Variants in HBG1 observed in about 807,000 individuals in gnomAD.
HBG1 encodes the protein hemoglobin subunit gamma 1.
HBG1 carries 1 observed loss-of-function variant against 5.9 expected under a neutral mutation model. That is an observed-to-expected ratio of 0.17 (90% CI 0.06 to 0.81). The LOEUF (loss-of-function observed/expected upper bound fraction) is 0.81, where lower values mean the gene tolerates loss of function less well. HBG1 is among the 30% of genes least tolerant of loss of function. The probability of loss-of-function intolerance (pLI) is 0.73; values close to 1 mark genes in which losing one functional copy is unlikely to be tolerated. For missense variants in HBG1, 57 were observed against 122.0 expected (o/e 0.47, Z 2.51); for synonymous variants, 19 against 50.5 (o/e 0.38, Z 2.64).
At position 5,248,360 on chromosome 11, in the gene HBG1, C is replaced by T; in HGVS notation, c.443G>A (p.Ter148=). 6.2e-7 allele frequency: 1 copy of T among 1,614,030 alleles called. No individual in the cohort carries two copies. Among genetic ancestry groups the T allele is most frequent in the Non-Finnish European group, 8.5e-7 (1 of 1,179,910 alleles). Residue 148 remains the stop codon, a stop_retained_variant, in exon 3 of 3, where the codon TGA becomes TAA. Coordinates refer to ENST00000330597, the MANE Select transcript of HBG1 (RefSeq NM_000559.3). The part of the protein sequence containing the change: ...VASALSSRYH[*] ...AGCTCTGAATCATGGGCAGTGAGCT[C>T]AGTGGTATCTGGAGGACAGGGCACT... is the stretch of plus-strand genomic sequence containing the variant.
intron 2 of HBG1, 43 bp from the exon 3 acceptor site, chr11:5,248,530 G>C (rs1847906794): frequency 6.4e-7 from 1 of 1,571,570 alleles, no homozygotes; most frequent in East Asian, 2.2e-5. Flanking sequence ...CCCATAGTGA[G>C]CTGAGAGCTC....
rs281864567 is a variant in HBG1 at position 5,248,445 on chromosome 11, C to T, written c.358G>A (p.Gly120Ser). 1.3e-5 allele frequency: 21 copies of T among 1,613,720 alleles called. No homozygotes were observed. The highest frequency in any genetic ancestry group is 3.3e-5 in the South Asian group (3 of 91,062). ...VLVTVLAIHF[G>S]KEFTPEVQAS... ...TGCACCTCAGGGGTGAATTCTTTGC[C>T]GAAATGGATTGCCAAAACGGTCACC... The change falls in exon 3 of 3, where the codon GGC (glycine) becomes AGC (serine). Residue 120 changes from glycine to serine, a missense_variant. This residue lies in a region of HBG1 where 43 missense variants were observed against 44.9 expected (regional missense o/e 0.96). Coordinates refer to ENST00000330597, the MANE Select transcript of HBG1 (RefSeq NM_000559.3).
rs1564884358 is a variant in HBG1 at position 5,248,457 on chromosome 11, C to A, written c.346G>T (p.Ala116Ser). 1 of 1,613,348 alleles carries A rather than the reference C, an allele frequency of 6.2e-7. No individual in the cohort carries two copies. The highest frequency in any genetic ancestry group is 8.5e-7 in the Non-Finnish European group (1 of 1,179,526). ...GTGAATTCTTTGCCGAAATGGATTG[C>A]CAAAACGGTCACCAGCACATTTCCC... ...LLGNVLVTVL[A>S]IHFGKEFTPE... The change falls in exon 3 of 3, where the codon GCA (alanine) becomes TCA (serine). Residue 116 changes from alanine to serine, a missense_variant. Coordinates refer to ENST00000330597, the MANE Select transcript of HBG1 (RefSeq NM_000559.3).
At chr11:5,248,755 G>GACACAC (rs757934785) in intron 2 of HBG1, among the ~76,000 whole-genome samples, 6 of 130,026 alleles carry the variant, frequency 4.6e-5, no homozygotes, top group African/African-American at 1.6e-4. Flanking sequence ...AACACACGCT[G>GACACAC]ACACACACAC....
chr11:5,249,235 C>T lies in HBG1; in HGVS notation c.315+133G>A. On this transcript the variant is annotated intron_variant, in intron 2 of 2. Transcript: ENST00000330597. The stretch of plus-strand genomic sequence containing the variant: ...ACCACTGGGTCTCAGCCCAGTTAGT[C>T]CTCTGCAGTTTCTTCACCCCCAACC... The T allele has an allele frequency of 2.8e-5, 23 of 818,656 alleles. 4 individuals carry two copies. The South Asian group carries it at 3.4e-4, about 12-fold the overall frequency. The allele number at this position is 818,656 out of a possible 1,614,324, so 50.7% of individuals were successfully genotyped here.
At chr11:5,248,986 T>C (rs1391407657) in intron 2 of HBG1, among the ~76,000 whole-genome samples, 7 of 145,410 alleles carry the variant, frequency 4.8e-5, no homozygotes, top group Non-Finnish European at 7.6e-5. Flanking sequence ...AGTTCCCCAC[T>C]TTGACTGAGC....
In HBG1 at chr11:5,248,314, A is replaced by G. The variant is rs761055453; in HGVS notation, c.*45T>C. On this transcript the variant is annotated 3_prime_UTR_variant, in exon 3 of 3. Transcript: ENST00000330597. Reference sequence around the variant, plus strand: ...TAGATTTATTATTTGTATTGCTTGCAGAATAAAGCCTATCCTTGAAAGCTC... The same window carrying G: ...TAGATTTATTATTTGTATTGCTTGCGGAATAAAGCCTATCCTTGAAAGCTC... The G allele has an allele frequency of 4.4e-6, 7 of 1,608,796 alleles. No homozygotes were observed. The Admixed American group carries it at 1.2e-4, about 27-fold the overall frequency.
chr11:5,249,210 A>G lies in HBG1; in HGVS notation c.315+158T>C, dbSNP rs113288425. On this transcript the variant is annotated intron_variant, in intron 2 of 2. Coordinates refer to ENST00000330597, the MANE Select transcript of HBG1 (RefSeq NM_000559.3). ...GGCACTCCTTAGGCCCTAAAACATT[A>G]CCACTGGGTCTCAGCCCAGTTAGTC... 1.0e-3 allele frequency among the ~76,000 whole-genome samples: 134 copies of G among 132,804 alleles called. 23 individuals carry two copies. The highest frequency in any genetic ancestry group is 3.6e-3 in the Middle Eastern group (1 of 274). 87.1% of individuals were successfully genotyped at this position (132,804 alleles called of 152,430 possible).
In HBG1 at chr11:5,248,860, A is replaced by G. The variant is rs551357206; in HGVS notation, c.316-373T>C. ...TTTCAATTGTTCCTCACCCCTGGAC[A>G]TACTTTGCCCCCATCTGGAATTAAA... is the stretch of plus-strand genomic sequence containing the variant. On this transcript the variant is annotated intron_variant, in intron 2 of 2. Transcript: ENST00000330597. Among the ~76,000 whole-genome samples the G allele has an allele frequency of 2.7e-5, 4 of 150,590 alleles. No homozygotes were observed. In the East Asian group the frequency reaches 7.8e-4, roughly 29 times the overall value.
intron 2 of HBG1, among the ~76,000 whole-genome samples, 172 bp from the exon 3 acceptor site, chr11:5,248,659 A>G (rs557515442): frequency 6.6e-6 from 1 of 150,586 alleles, no homozygotes; most frequent in East Asian, 1.9e-4. Context: ...TTCCCCTTCA[A>G]GCACTAGTCA....
chr11:5,248,755 GAC>G (rs757934785), intron 2 of HBG1, among the ~76,000 whole-genome samples: 113 of 130,012 alleles, frequency 8.7e-4, no homozygotes, highest in African/African-American at 3.0e-3. Context: ...AACACACGCT[GAC>G]ACACACACAC....
intron 2 of HBG1, among the ~76,000 whole-genome samples, 192 bp from the exon 3 acceptor site, chr11:5,248,679 AT>A (rs1847909829): frequency 6.6e-6 from 1 of 150,920 alleles, no homozygotes; most frequent in East Asian, 1.9e-4. Context: ...ACTGGCCATA[AT>A]TTAAATCTTG....
chr11:5,249,648 G>A (rs202216517), intron 1 of HBG1, 58 bp from the exon 2 acceptor site: 171,960 of 404,992 alleles, frequency 0.42, 57,722 homozygotes, highest in East Asian at 0.78. Context: ...CCTGAGAAGC[G>A]ACCTGGACTT....
rs754689290 is a variant in HBG1 at position 5,248,332 on chromosome 11, G to C, written c.*27C>G. 3 of 1,613,156 alleles carry C rather than the reference G, an allele frequency of 1.9e-6. No individual in the cohort carries two copies. Among genetic ancestry groups the C allele is most frequent in the African/African-American group, 2.7e-5 (2 of 74,900 alleles). ...TGCTTGCAGAATAAAGCCTATCCTT[G>C]AAAGCTCTGAATCATGGGCAGTGAG... is the stretch of plus-strand genomic sequence containing the variant. On this transcript the variant is annotated 3_prime_UTR_variant, in exon 3 of 3. Transcript: ENST00000330597.
In HBG1 at chr11:5,249,189, C is replaced by T. The variant is rs113349271; in HGVS notation, c.315+179G>A. 8.6e-4 allele frequency among the ~76,000 whole-genome samples: 115 copies of T among 133,070 alleles called. 23 individuals are homozygous for T. The highest frequency in any genetic ancestry group is 2.1e-3 in the Admixed American group (29 of 13,648). The allele number at this position is 133,070 out of a possible 152,430, so 87.3% of individuals were successfully genotyped here. ...TTGTCCATCTAGATTTTTAGAGGCA[C>T]TCCTTAGGCCCTAAAACATTACCAC... On this transcript the variant is annotated intron_variant, in intron 2 of 2. Coordinates refer to ENST00000330597, the MANE Select transcript of HBG1 (RefSeq NM_000559.3).
Position 5,248,399 on chromosome 11 carries a change from A to G in HBG1, c.404T>C (p.Val135Ala). ...PEVQASWQKM[V>A]TAVASALSSR... ...GGACAGGGCACTGGCCACTGCAGTC[A>G]CCATCTTCTGCCAGGAAGCCTGCAC... is the stretch of plus-strand genomic sequence containing the variant. Residue 135 changes from valine to alanine, a missense_variant, in exon 3 of 3, where the codon GTG becomes GCG. Val to Ala is a moderately conservative substitution (Grantham distance 64). This residue lies in a region of HBG1 where 43 missense variants were observed against 44.9 expected (regional missense o/e 0.96). Transcript: ENST00000330597. The G allele has an allele frequency of 6.2e-7, 1 of 1,614,162 alleles. No individual in the cohort carries two copies. The highest frequency in any genetic ancestry group is 8.5e-7 in the Non-Finnish European group (1 of 1,180,012).
At position 5,248,468 on chromosome 11, in the gene HBG1, A is replaced by G. The variant is rs1391045442; in HGVS notation, c.335T>C (p.Val112Ala). Reference protein sequence around the residue: ...ENFKLLGNVLVTVLAIHFGKE... With the variant: ...ENFKLLGNVLATVLAIHFGKE... ...GCCGAAATGGATTGCCAAAACGGTC[A>G]CCAGCACATTTCCCAGGAGCTGTTG... The change falls in exon 3 of 3, where the codon GTG becomes GCG. Residue 112 changes from valine to alanine, a missense_variant. Physicochemically the swap from Val to Ala is moderately conservative, Grantham distance 64. This residue lies in a region of HBG1 where 43 missense variants were observed against 44.9 expected (regional missense o/e 0.96). Coordinates refer to ENST00000330597, the MANE Select transcript of HBG1 (RefSeq NM_000559.3). The G allele has an allele frequency of 1.9e-6, 3 of 1,613,370 alleles. No homozygotes were observed. The Admixed American group carries it at 5.0e-5, about 27-fold the overall frequency.
In HBG1 at chr11:5,248,752, G is replaced by A. The variant is rs199619971; in HGVS notation, c.316-265C>T. 9.2e-5 allele frequency among the ~76,000 whole-genome samples: 12 copies of A among 130,604 alleles called. 1 individual carries two copies. Among genetic ancestry groups the A allele is most frequent in the African/African-American group, 3.1e-4 (10 of 32,140 alleles). 85.7% of individuals were successfully genotyped at this position (130,604 alleles called of 152,430 possible). On this transcript the variant is annotated intron_variant, in intron 2 of 2. Coordinates refer to ENST00000330597, the MANE Select transcript of HBG1 (RefSeq NM_000559.3). ...GCTGAAGACGTTAAAAGAAACACAC[G>A]CTGACACACACACACACACGCGCGC... is the stretch of plus-strand genomic sequence containing the variant.
At chr11:5,249,115 A>C (rs11824179) in intron 2 of HBG1, among the ~76,000 whole-genome samples, 18,667 of 43,582 alleles carry the variant, frequency 0.43, 6,562 homozygotes, top group African/African-American at 0.69. Flanking sequence ...GAATCTAATA[A>C]AGAAAAGTCA....
Sources: allele counts gnomAD v4.1 joint callset (sites outside exome capture counted in the v4.1 genomes callset), GRCh38; gene constraint gnomAD v4.1.1; regional missense constraint gnomAD v4.1.1; transcripts MANE v1.5; gene names NCBI Gene and HGNC (gene_info 2026-07-23, HGNC 2026-07-21).